The following NPIPB2 variants were observed in gnomAD, a reference collection of about 807,000 sequenced individuals.
NPIPB2 encodes the protein nuclear pore complex interacting protein family member B2.
A neutral mutation model predicts 30.8 loss-of-function variants in NPIPB2; 27 were observed. That is an observed-to-expected ratio of 0.88 (90% confidence interval 0.65 to 1.21). The LOEUF (loss-of-function observed/expected upper bound fraction) is 1.21, where lower values mean the gene tolerates loss of function less well. Ranked by LOEUF, NPIPB2 falls within the 50% of genes most tolerant of loss-of-function variation. NPIPB2 has a pLI of 0.00. For synonymous variants in NPIPB2, 147 were observed against 162.0 expected, an observed-to-expected ratio of 0.91 and a Z score of 0.70; for missense variants, 440 against 446.2, an observed-to-expected ratio of 0.99 and a Z score of 0.13.
At chr16:11,939,587 C>A (rs2054912036) in intron 1 of NPIPB2, among the ~76,000 whole-genome samples, 1 of 127,488 alleles carries the variant, frequency 7.8e-6, no homozygotes, top group South Asian at 2.9e-4. Context: ...AAAAAATTAC[C>A]AAGGTGGAGA....
At chr16:11,935,468 C>G (rs1255162948) in intron 2 of NPIPB2, among the ~76,000 whole-genome samples, 1 of 152,084 alleles carries the variant, frequency 6.6e-6, no homozygotes, top group Non-Finnish European at 1.5e-5. Flanking sequence ...TGTCTGCTAC[C>G]ATGCCTGGCT....
At chr16:11,927,365 C>T, downstream of NPIPB2, 1 of 877,874 alleles carries the variant, frequency 1.1e-6, no homozygotes, top group Non-Finnish European at 1.8e-6. Flanking sequence ...CAGTTTTATT[C>T]TTATTGCTCA....
At chr16:11,970,809 C>T (rs571812056) in intron 1 of NPIPB2, among the ~76,000 whole-genome samples, 2 of 152,070 alleles carry the variant, frequency 1.3e-5, no homozygotes, top group South Asian at 4.2e-4. Flanking sequence ...GCTGGCATTA[C>T]AGGCATGAGC....
intron 1 of NPIPB2, among the ~76,000 whole-genome samples, chr16:11,939,030 G>T (rs2054904098): frequency 6.6e-6 from 1 of 152,126 alleles, no homozygotes; most frequent in Admixed American, 6.6e-5. Flanking sequence ...ACAGGTGTGA[G>T]CCACTGCACC....
At chr16:11,952,588 A>G (rs577909695) in intron 1 of NPIPB2, among the ~76,000 whole-genome samples, 52 of 142,348 alleles carry the variant, frequency 3.7e-4, no homozygotes, top group African/African-American at 1.1e-3. Context: ...TTTTTGAGAC[A>G]GAGTCTTGCT....
intron 5 of NPIPB2, among the ~76,000 whole-genome samples, chr16:11,930,188 A>G (rs999490106): frequency 3.2e-5 from 3 of 94,446 alleles, no homozygotes; most frequent in Non-Finnish European, 6.4e-5. Context: ...CACCCCTAGA[A>G]TGGCTGGTAT....
At chr16:11,938,537 G>C (rs149986409) in intron 1 of NPIPB2, among the ~76,000 whole-genome samples, 17,389 of 150,662 alleles carry the variant, frequency 0.12, 1,299 homozygotes, top group South Asian at 0.2. Flanking sequence ...TGCCATGTTG[G>C]CCAGGGTGGT....
chr16:11,933,936 T>C lies in NPIPB2; in HGVS notation c.193-12A>G. 3.9e-6 allele frequency: 6 copies of C among 1,528,556 alleles called. No individual in the cohort carries two copies. Among genetic ancestry groups the C allele is most frequent in the Non-Finnish European group, 4.5e-6 (5 of 1,117,100 alleles). The allele number at this position is 1,528,556 out of a possible 1,614,324, so 94.7% of individuals were successfully genotyped here. Reference sequence around the variant, plus strand: ...TTCAGGAAAGACAACTAGGAAATAATAATATAAGAATGACGGCTGGGCACG... The same window carrying C: ...TTCAGGAAAGACAACTAGGAAATAACAATATAAGAATGACGGCTGGGCACG... On this transcript the variant is annotated splice_polypyrimidine_tract_variant and intron_variant, in intron 2 of 7. Transcript: ENST00000399147.
chr16:11,941,094 G>C, intron 1 of NPIPB2: 2 of 1,380,408 alleles, frequency 1.4e-6, no homozygotes, highest in South Asian at 1.2e-5. Context: ...TTACAGGCCT[G>C]AGCTGTGTAA....
intron 1 of NPIPB2, among the ~76,000 whole-genome samples, chr16:11,968,987 C>T (rs1337962780): frequency 6.6e-6 from 1 of 151,920 alleles, no homozygotes; most frequent in Non-Finnish European, 1.5e-5. Context: ...TTGCCTCAGC[C>T]TCCCGAGTAG....
chr16:11,962,624 A>AC lies in NPIPB2; in HGVS notation c.-584+13943_-584+13944insG, dbSNP rs1243138490. On this transcript the variant is annotated intron_variant, in intron 1 of 5. Coordinates refer to the NPIPB2 transcript ENST00000538896. ...AAGATTCTGTCTCAAAAAAAAAAAAAAAAAACCAAAAAAAAAGAGGAAGAC... is the reference window on the plus strand; with the variant it reads ...AAGATTCTGTCTCAAAAAAAAAAAAACAAAAACCAAAAAAAAAGAGGAAGAC... Among the ~76,000 whole-genome samples, 241 of 149,336 alleles carry AC rather than the reference A, an allele frequency of 1.6e-3. 8 individuals are homozygous for AC. The highest frequency in any genetic ancestry group is 5.7e-3 in the Admixed American group (84 of 14,754).
chr16:11,934,935 A>T (rs2054845671), intron 2 of NPIPB2, among the ~76,000 whole-genome samples: 1 of 146,902 alleles, frequency 6.8e-6, no homozygotes, highest in Non-Finnish European at 1.5e-5. Flanking sequence ...GATGGTAATT[A>T]TCATCTTATA....
chr16:11,964,190 G>A (rs964759046), intron 1 of NPIPB2, among the ~76,000 whole-genome samples: 2 of 152,054 alleles, frequency 1.3e-5, no homozygotes, highest in African/African-American at 4.8e-5. Context: ...TGTTAGCGGT[G>A]ATGACTTCTG....
exon 8 of NPIPB2, chr16:11,927,471 GTTC>G: frequency 8.2e-7 from 1 of 1,212,766 alleles, no homozygotes; most frequent in African/African-American, 2.6e-5. Flanking sequence ...CGCCTCTTGG[GTTC>G]GGGTGGTGAT....
At chr16:11,941,536 C>CGGAGAAGATCAGGGAAGCAACA (rs2054940349) in intron 1 of NPIPB2, among the ~76,000 whole-genome samples, 1 of 151,498 alleles carries the variant, frequency 6.6e-6, no homozygotes, top group Admixed American at 6.6e-5. Flanking sequence ...CTACAGGTCA[C>CGGAGAAGATCAGGGAAGCAACA]GGAGAAGATC....
chr16:11,953,953 G>A (rs931239019), intron 1 of NPIPB2, among the ~76,000 whole-genome samples: 2 of 151,982 alleles, frequency 1.3e-5, no homozygotes, highest in Middle Eastern at 3.4e-3. Flanking sequence ...TGGGATTACA[G>A]GCATGAGCCA....
chr16:11,931,619 G>A (rs1212993419), intron 4 of NPIPB2, among the ~76,000 whole-genome samples: 6 of 151,006 alleles, frequency 4.0e-5, no homozygotes, highest in African/African-American at 1.5e-4. Context: ...TAATGCAAAT[G>A]AGAAGCCAGT....
intron 1 of NPIPB2, among the ~76,000 whole-genome samples, chr16:11,974,807 C>T (rs910789379): frequency 3.0e-4 from 46 of 152,144 alleles, no homozygotes; most frequent in African/African-American, 1.1e-3. Flanking sequence ...GGCGCGGTGG[C>T]TCACGCCTGT....
chr16:11,955,255 G>A (rs2055100242), intron 1 of NPIPB2, among the ~76,000 whole-genome samples: 1 of 150,170 alleles, frequency 6.7e-6, no homozygotes, highest in Non-Finnish European at 1.5e-5. Flanking sequence ...TCTGGAGGGT[G>A]AGGCATGAGA....
Sources: allele counts gnomAD v4.1 joint callset (sites outside exome capture counted in the v4.1 genomes callset), GRCh38; gene constraint gnomAD v4.1.1; transcripts MANE v1.5; gene names NCBI Gene and HGNC (gene_info 2026-07-23, HGNC 2026-07-21).